Variants in TMEM38B observed in about 807,000 individuals in gnomAD.
The protein encoded by TMEM38B is transmembrane protein 38B.
TMEM38B carries 24 observed loss-of-function variants against 28.7 expected under a neutral mutation model. The ratio of observed to expected loss-of-function variants is 0.84; its 90% confidence interval spans 0.61 to 1.18. The LOEUF is 1.18. TMEM38B is among the 50% of genes most tolerant of loss of function. TMEM38B has a pLI of 0.00. For missense variants in TMEM38B, 380 were observed against 350.9 expected (o/e 1.08, Z -0.66); for synonymous variants, 131 against 127.7 (o/e 1.03, Z -0.17).
intron 2 of TMEM38B, chr9:105,710,762 G>A: frequency 3.6e-6 from 2 of 558,734 alleles, no homozygotes; most frequent in Non-Finnish European, 6.9e-6. Flanking sequence ...ATGTTGGGGA[G>A]ACGGCAGGTA....
intron 4 of TMEM38B, among the ~76,000 whole-genome samples, chr9:105,736,828 C>G (rs1323559997): frequency 2.6e-5 from 4 of 152,202 alleles, no homozygotes; most frequent in African/African-American, 9.6e-5. Flanking sequence ...AGTGGGCACA[C>G]TGGTGTAGTT....
rs560966747 is a variant in TMEM38B at position 105,757,687 on chromosome 9, G to A, written c.660+9497G>A. Among the ~76,000 whole-genome samples, 3 of 152,292 alleles carry A rather than the reference G, an allele frequency of 2.0e-5. No individual in the cohort carries two copies. The South Asian group carries it at 6.2e-4, about 32-fold the overall frequency. On this transcript the variant is annotated intron_variant, in intron 5 of 5. Transcript: ENST00000374692. ...AGAGCTGTTGTGAAATAAAGCATAA[G>A]GAACGGTAAAGAATGACTAAAACTG... is the stretch of plus-strand genomic sequence containing the variant.
intron 4 of TMEM38B, among the ~76,000 whole-genome samples, chr9:105,739,585 C>T (rs1022040380): frequency 1.3e-5 from 2 of 151,838 alleles, no homozygotes; most frequent in Admixed American, 6.6e-5. Flanking sequence ...AGTGCAGTGG[C>T]GTGATTTCAG....
intron 5 of TMEM38B, among the ~76,000 whole-genome samples, chr9:105,765,381 A>C (rs1373231768): frequency 2.6e-5 from 4 of 152,250 alleles, no homozygotes; most frequent in Non-Finnish European, 5.9e-5. Flanking sequence ...AAGTACATTC[A>C]GTCTAGGAGT....
intron 5 of TMEM38B, chr9:105,758,658 T>A: frequency 1.3e-6 from 1 of 787,836 alleles, no homozygotes; most frequent in Non-Finnish European, 2.3e-6. Flanking sequence ...AACTTAGCCA[T>A]TTAAAACTCT....
chr9:105,754,594 C>T (rs1380037347), intron 5 of TMEM38B, among the ~76,000 whole-genome samples: 1 of 152,174 alleles, frequency 6.6e-6, no homozygotes, highest in Non-Finnish European at 1.5e-5. Context: ...AACAAAGAGA[C>T]AGCATACCAG....
At chr9:105,763,290 T>C (rs1838133768) in intron 5 of TMEM38B, among the ~76,000 whole-genome samples, 1 of 152,230 alleles carries the variant, frequency 6.6e-6, no homozygotes, top group South Asian at 2.1e-4. Flanking sequence ...ATTTTGGCTT[T>C]GGTTGCCATT....
intron 2 of TMEM38B, among the ~76,000 whole-genome samples, chr9:105,719,519 T>C (rs1392026248): frequency 6.6e-6 from 1 of 152,192 alleles, no homozygotes; most frequent in Non-Finnish European, 1.5e-5. Flanking sequence ...TGGTCTGATA[T>C]GTTTACTTGT....
chr9:105,731,830 G>A (rs1348684574), intron 4 of TMEM38B, among the ~76,000 whole-genome samples: 1 of 152,248 alleles, frequency 6.6e-6, no homozygotes, highest in South Asian at 2.1e-4. Context: ...CCAGTAATGG[G>A]ATCGCTGGGT....
intron 5 of TMEM38B, among the ~76,000 whole-genome samples, chr9:105,761,549 T>C (rs1838050962): frequency 6.6e-6 from 1 of 152,174 alleles, no homozygotes; most frequent in East Asian, 1.9e-4. Context: ...CTGTAAGGTA[T>C]TTATTTTTAA....
At chr9:105,720,096 T>C (rs1016362107) in intron 2 of TMEM38B, among the ~76,000 whole-genome samples, 1 of 152,050 alleles carries the variant, frequency 6.6e-6, no homozygotes, top group Admixed American at 6.5e-5. Context: ...TTTAAAGCCA[T>C]ACAAATGGTC....
chr9:105,745,010 C>T (rs1018248400), intron 4 of TMEM38B, among the ~76,000 whole-genome samples: 74 of 152,186 alleles, frequency 4.9e-4, no homozygotes, highest in African/African-American at 1.6e-3. Flanking sequence ...GGGTTGGTTC[C>T]AAGTCTTTGC....
chr9:105,739,785 A>G (rs1837126888), intron 4 of TMEM38B, among the ~76,000 whole-genome samples: 1 of 151,760 alleles, frequency 6.6e-6, no homozygotes, highest in African/African-American at 2.4e-5. Context: ...TTGGCCTCCT[A>G]AAATGTTGGG....
intron 5 of TMEM38B, among the ~76,000 whole-genome samples, chr9:105,750,223 AT>A (rs930881001): frequency 4.6e-5 from 7 of 151,780 alleles, no homozygotes; most frequent in African/African-American, 1.7e-4. Flanking sequence ...TTCTTTTCAT[AT>A]TTTGGATACT....
chr9:105,773,995 C>A lies in TMEM38B; in HGVS notation c.791C>A (p.Ser264Tyr). 3 of 1,613,808 alleles carry A rather than the reference C, an allele frequency of 1.9e-6. No homozygotes were observed. Among genetic ancestry groups the A allele is most frequent in the Non-Finnish European group, 2.5e-6 (3 of 1,179,820 alleles). The change falls in exon 6 of 6, where the codon TCC (serine) becomes TAC (tyrosine). Residue 264 changes from serine (S) to tyrosine (Y), a missense_variant. Physicochemically the swap from Ser to Tyr is moderately radical, Grantham distance 144. Coordinates refer to ENST00000374692, the MANE Select transcript of TMEM38B (RefSeq NM_018112.3). ...AAGAAAAGTGAAGCAAAGTCACCTT[C>A]CAATGGCGTTGGGTCATTGGCCTCA... is the stretch of plus-strand genomic sequence containing the variant. ...CEKKSEAKSP[S>Y]NGVGSLASKP...
chr9:105,772,434 A>G (rs1826581606), intron 5 of TMEM38B, among the ~76,000 whole-genome samples: 1 of 152,124 alleles, frequency 6.6e-6, no homozygotes. Context: ...GAATTTAGGT[A>G]CATATCTTCA....
rs1826691622 is a variant in TMEM38B, at chr9:105,775,349, A to T, written c.*1269A>T. 6.6e-6 allele frequency: 1 copy of T among 152,146 alleles called. No individual in the cohort carries two copies. The highest frequency in any genetic ancestry group is 2.1e-4 in the South Asian group (1 of 4,838). The allele number at this position is 152,146 out of a possible 1,614,324, so 9.4% of individuals were successfully genotyped here. A position where few individuals can be genotyped will look rare whatever the true frequency, so the allele number is the denominator to read the frequency against. On this transcript the variant is annotated 3_prime_UTR_variant, in exon 6 of 6. Coordinates refer to ENST00000374692, the MANE Select transcript of TMEM38B (RefSeq NM_018112.3). Reference sequence around the variant, plus strand: ...GATACTAAATGATGTTAATTTTCTTACTTTATGATTTAGAAGTCCAGTTAT... The same window carrying T: ...GATACTAAATGATGTTAATTTTCTTTCTTTATGATTTAGAAGTCCAGTTAT...
chr9:105,751,673 A>C (rs7031431), intron 5 of TMEM38B, among the ~76,000 whole-genome samples: 35,538 of 152,124 alleles, frequency 0.23, 6,856 homozygotes, highest in African/African-American at 0.51. Context: ...AGGCTGGAAT[A>C]TGTCTGAGAC....
intron 2 of TMEM38B, among the ~76,000 whole-genome samples, chr9:105,708,236 CAA>C (rs1425738593): frequency 2.0e-5 from 3 of 152,050 alleles, no homozygotes; most frequent in African/African-American, 7.2e-5. Flanking sequence ...TAAAAAATAA[CAA>C]TGCAACAATA....
Sources: allele counts gnomAD v4.1 joint callset (sites outside exome capture counted in the v4.1 genomes callset), GRCh38; gene constraint gnomAD v4.1.1; transcripts MANE v1.5; gene names NCBI Gene and HGNC (gene_info 2026-07-23, HGNC 2026-07-21).